The following PAPOLA variants were observed in gnomAD, a reference collection of about 807,000 sequenced individuals.
PAPOLA encodes the protein polynucleotide adenylyltransferase alpha.
PAPOLA carries 15 observed loss-of-function variants against 100.6 expected under a neutral mutation model. That is an observed-to-expected ratio of 0.15 (90% CI 0.10 to 0.23). PAPOLA has a LOEUF of 0.23. Ranked by LOEUF, PAPOLA falls within the 10% of genes least tolerant of loss-of-function variation. The pLI is 1.00. For missense variants in PAPOLA, 533 were observed against 884.2 expected (o/e 0.60, Z 5.04); for synonymous variants, 293 against 300.0 (o/e 0.98, Z 0.24).
chr14:96,560,710 A>G lies in PAPOLA; in HGVS notation c.2066A>G (p.Lys689Arg), dbSNP rs1901770804. 3.8e-6 allele frequency: 6 copies of G among 1,572,156 alleles called. No homozygotes were observed. The highest frequency in any genetic ancestry group is 5.2e-6 in the Non-Finnish European group (6 of 1,142,984). Residue 689 changes from lysine to arginine, a missense_variant and splice_region_variant, in exon 20 of 22, where the codon AAG becomes AGG. This residue lies in a region of PAPOLA where 242 missense variants were observed against 281.0 expected (regional missense o/e 0.86). Transcript: ENST00000216277. Reference protein sequence around the residue: ...ALSGHDKTEAKEQLDTETSTT... With the variant: ...ALSGHDKTEAREQLDTETSTT... ...AGTGGACATGATAAAACAGAAGCAA[A>G]GGTATACTAATTTAGCCTTTAGAAT...
intron 1 of PAPOLA, among the ~76,000 whole-genome samples, chr14:96,517,564 T>G (rs1005775135): frequency 1.3e-5 from 2 of 151,916 alleles, no homozygotes; most frequent in East Asian, 1.9e-4. Context: ...TCAATAAAAC[T>G]GGGGGAAAAA....
chr14:96,511,976 T>A (rs932215913), intron 1 of PAPOLA, among the ~76,000 whole-genome samples: 19 of 152,330 alleles, frequency 1.2e-4, no homozygotes, highest in African/African-American at 4.1e-4. Context: ...TAAACTGAGT[T>A]TTTAGCTAAT....
chr14:96,563,656 C>T (rs942000829), intron 21 of PAPOLA, among the ~76,000 whole-genome samples: 3 of 152,010 alleles, frequency 2.0e-5, no homozygotes, highest in Non-Finnish European at 4.4e-5. Context: ...TGTGCAGCTC[C>T]GAGTTATTTT....
chr14:96,561,295 A>G lies in PAPOLA; in HGVS notation c.2067+584A>G, dbSNP rs118020354. Reference sequence around the variant, plus strand: ...TTTTTTTCCCTAGAAATTGAAATCTATTGAAGGCTTTTAACTTTCTTTCCT... The same window carrying G: ...TTTTTTTCCCTAGAAATTGAAATCTGTTGAAGGCTTTTAACTTTCTTTCCT... On this transcript the variant is annotated intron_variant, in intron 20 of 21. Transcript: ENST00000216277. 6.0e-3 allele frequency among the ~76,000 whole-genome samples: 913 copies of G among 152,158 alleles called. 6 individuals carry two copies. Among genetic ancestry groups the G allele is most frequent in the Non-Finnish European group, 8.9e-3 (606 of 67,998 alleles).
chr14:96,503,369 T>G (rs1006550717), intron 1 of PAPOLA, among the ~76,000 whole-genome samples: 1 of 152,194 alleles, frequency 6.6e-6, no homozygotes, highest in African/African-American at 2.4e-5. Context: ...TTTTCCTGGT[T>G]GTAAGGCTTG....
chr14:96,523,406 A>T (rs559772687), intron 3 of PAPOLA, among the ~76,000 whole-genome samples: 2 of 152,246 alleles, frequency 1.3e-5, no homozygotes, highest in Admixed American at 6.5e-5. Flanking sequence ...AACAAAAGTG[A>T]TAACAGTGAC....
chr14:96,536,617 CCT>C (rs750378523), intron 11 of PAPOLA, among the ~76,000 whole-genome samples: 42 of 151,932 alleles, frequency 2.8e-4, no homozygotes, highest in Non-Finnish European at 5.3e-4. Flanking sequence ...AGGGAAGATG[CCT>C]CTATCCCTTT....
chr14:96,549,776 C>T (rs929148144), intron 16 of PAPOLA, among the ~76,000 whole-genome samples: 1 of 152,164 alleles, frequency 6.6e-6, no homozygotes, highest in Non-Finnish European at 1.5e-5. Flanking sequence ...TAAACACTTG[C>T]TTTCTAATTG....
At chr14:96,534,658 T>C in intron 10 of PAPOLA, 95 bp downstream of exon 10, 1 of 1,596,132 alleles carries the variant, frequency 6.3e-7, no homozygotes, top group East Asian at 2.2e-5. Context: ...AGCCTTTTAC[T>C]TATGAATGGT....
At chr14:96,539,591 ATAT>A (rs1899812528) in intron 12 of PAPOLA, among the ~76,000 whole-genome samples, 1 of 152,156 alleles carries the variant, frequency 6.6e-6, no homozygotes, top group Non-Finnish European at 1.5e-5. Context: ...TGGAAACTAT[ATAT>A]TTTTAAATTT....
intron 12 of PAPOLA, among the ~76,000 whole-genome samples, chr14:96,539,240 A>G (rs1458604920): frequency 6.6e-6 from 1 of 152,136 alleles, no homozygotes; most frequent in Non-Finnish European, 1.5e-5. Flanking sequence ...AAGGTGCAAG[A>G]TGATTTTATA....
At chr14:96,562,793 C>G (rs1397308796) in intron 20 of PAPOLA, 26 bp from the exon 21 acceptor site, 2 of 1,430,088 alleles carry the variant, frequency 1.4e-6, no homozygotes, top group South Asian at 2.4e-5. Flanking sequence ...CTCTTTTCCC[C>G]CTTCCCCATC....
At chr14:96,525,651 C>T (rs1008268972) in intron 4 of PAPOLA, among the ~76,000 whole-genome samples, 5 of 151,996 alleles carry the variant, frequency 3.3e-5, no homozygotes, top group African/African-American at 9.7e-5. Context: ...TTTGGGAGGC[C>T]GAGGCAGGTG....
rs2140268251 is a variant in PAPOLA at position 96,525,224 on chromosome 14, G to A, written c.250-86G>A. On this transcript the variant is annotated intron_variant, in intron 3 of 21. Coordinates refer to ENST00000216277, the MANE Select transcript of PAPOLA (RefSeq NM_032632.5). Reference sequence around the variant, plus strand: ...TAAATTTACACTGTAATCTTTCTTGGATCCACTCCCTCACCCCAGTATAGT... The same window carrying A: ...TAAATTTACACTGTAATCTTTCTTGAATCCACTCCCTCACCCCAGTATAGT... 3 of 681,284 alleles carry A rather than the reference G, an allele frequency of 4.4e-6. No individual in the cohort carries two copies. The East Asian group carries it at 8.6e-5, about 19-fold the overall frequency. 42.2% of individuals were successfully genotyped at this position (681,284 alleles called of 1,614,324 possible).
rs1902267624 is a variant in PAPOLA at position 96,566,314 on chromosome 14, A to G, written c.*1264A>G. The G allele has an allele frequency of 6.1e-6, 1 of 164,826 alleles. No homozygotes were observed. Among genetic ancestry groups the G allele is most frequent in the East Asian group, 1.7e-4 (1 of 5,998 alleles). The allele number at this position is 164,826 out of a possible 1,614,324, so 10.2% of individuals were successfully genotyped here. On this transcript the variant is annotated 3_prime_UTR_variant, in exon 22 of 22. Transcript: ENST00000216277. Reference sequence around the variant, plus strand: ...CTACTCCTTTATTTTGTTTTATCAAAAGATTAAGAGCTCCTTTCTTTGAAT... The same window carrying G: ...CTACTCCTTTATTTTGTTTTATCAAGAGATTAAGAGCTCCTTTCTTTGAAT...
rs1423751154 is a variant in PAPOLA at position 96,525,409 on chromosome 14, T to G, written c.331+18T>G. 9.1e-7 allele frequency: 1 copy of G among 1,093,844 alleles called. No homozygotes were observed. The highest frequency in any genetic ancestry group is 2.5e-5 in the East Asian group (1 of 39,630). 67.8% of individuals were successfully genotyped at this position (1,093,844 alleles called of 1,614,324 possible). On this transcript the variant is annotated intron_variant, in intron 4 of 21. Transcript: ENST00000216277. ...TACAAAAGGTAAGTATTATTTCATTTTTCTTAGAAAGGGACCCTTTAGTTC... is the reference window on the plus strand; with the variant it reads ...TACAAAAGGTAAGTATTATTTCATTGTTCTTAGAAAGGGACCCTTTAGTTC...
At chr14:96,510,957 G>T (rs998491583) in intron 1 of PAPOLA, among the ~76,000 whole-genome samples, 1 of 152,146 alleles carries the variant, frequency 6.6e-6, no homozygotes, top group Admixed American at 6.5e-5. Flanking sequence ...GAGATCCCTT[G>T]TATCTTTTCT....
intron 15 of PAPOLA, among the ~76,000 whole-genome samples, chr14:96,546,866 C>G (rs896865166): frequency 6.6e-6 from 1 of 151,994 alleles, no homozygotes; most frequent in Non-Finnish European, 1.5e-5. Flanking sequence ...CTCAAATGTT[C>G]CAGGCATTTT....
intron 17 of PAPOLA, among the ~76,000 whole-genome samples, chr14:96,555,367 C>T (rs1901226392): frequency 6.6e-6 from 1 of 151,800 alleles, no homozygotes; most frequent in Admixed American, 6.6e-5. Context: ...GCCACCATGC[C>T]TGGCCTCTTA....
Sources: allele counts gnomAD v4.1 joint callset (sites outside exome capture counted in the v4.1 genomes callset), GRCh38; gene constraint gnomAD v4.1.1; regional missense constraint gnomAD v4.1.1; transcripts MANE v1.5; gene names NCBI Gene and HGNC (gene_info 2026-07-23, HGNC 2026-07-21).